The following ARHGAP26 variants were observed in gnomAD, a reference collection of about 807,000 sequenced individuals.
ARHGAP26 encodes the protein Rho GTPase activating protein 26.
ARHGAP26 carries 38 observed loss-of-function variants against 104.8 expected under a neutral mutation model. The observed-to-expected ratio is 0.36, with a 90% CI of 0.28 to 0.48. The LOEUF is 0.48. Ranked by LOEUF, ARHGAP26 falls within the 20% of genes least tolerant of loss-of-function variation. The pLI, the probability that ARHGAP26 is intolerant of heterozygous loss-of-function variation, is 0.99. For missense variants in ARHGAP26, 704 were observed against 947.9 expected (o/e 0.74, Z 3.38); for synonymous variants, 341 against 340.0 (o/e 1.00, Z -0.03).
chr5:142,970,279 G>A (rs1045284249), intron 11 of ARHGAP26, among the ~76,000 whole-genome samples: 2 of 152,220 alleles, frequency 1.3e-5, no homozygotes, highest in African/African-American at 4.8e-5. Context: ...GAGGGTAAGG[G>A]TCATGAAATG....
At chr5:142,824,032 A>C (rs1766724612) in intron 1 of ARHGAP26, among the ~76,000 whole-genome samples, 1 of 152,244 alleles carries the variant, frequency 6.6e-6, no homozygotes, top group Admixed American at 6.5e-5. Flanking sequence ...TGTGTGTTCC[A>C]GGGCTGGATG....
chr5:143,097,360 GAAAAAAAAA>G (rs56116431), intron 17 of ARHGAP26, among the ~76,000 whole-genome samples: 3 of 63,262 alleles, frequency 4.7e-5, no homozygotes, highest in African/African-American at 9.9e-5. Context: ...TCAAAAAAAA[GAAAAAAAAA>G]AAAAAAAAAA....
intron 1 of ARHGAP26, among the ~76,000 whole-genome samples, chr5:142,837,466 A>G (rs1362844358): frequency 6.6e-6 from 1 of 151,870 alleles, no homozygotes; most frequent in Non-Finnish European, 1.5e-5. Flanking sequence ...CGAACTTGGT[A>G]TCTTGTTACT....
At chr5:143,059,467 A>G (rs1421338603) in intron 17 of ARHGAP26, among the ~76,000 whole-genome samples, 1 of 152,250 alleles carries the variant, frequency 6.6e-6, no homozygotes, top group African/African-American at 2.4e-5. Flanking sequence ...AAAAGGATTT[A>G]AAAAACAAAA....
intron 17 of ARHGAP26, among the ~76,000 whole-genome samples, chr5:143,062,480 T>C (rs760901893): frequency 7.2e-5 from 11 of 151,960 alleles, no homozygotes; most frequent in Non-Finnish European, 1.5e-4. Flanking sequence ...GTAGACTCTG[T>C]TGGCAGAATT....
chr5:143,056,886 A>C (rs1442524368), intron 16 of ARHGAP26, among the ~76,000 whole-genome samples: 1 of 152,172 alleles, frequency 6.6e-6, no homozygotes, highest in Non-Finnish European at 1.5e-5. Flanking sequence ...TTGTCCCCTT[A>C]AAACAGGAAG....
chr5:143,065,708 C>T (rs1004520307), intron 17 of ARHGAP26, among the ~76,000 whole-genome samples: 2 of 152,216 alleles, frequency 1.3e-5, no homozygotes, highest in Non-Finnish European at 2.9e-5. Context: ...CGCTGCCCTT[C>T]CTGCAAGTGC....
chr5:142,935,173 A>G (rs967025156), intron 11 of ARHGAP26, among the ~76,000 whole-genome samples: 3 of 152,190 alleles, frequency 2.0e-5, no homozygotes, highest in African/African-American at 7.2e-5. Context: ...ACTGGAGTCT[A>G]ATAGTCTGTG....
intron 13 of ARHGAP26, among the ~76,000 whole-genome samples, chr5:143,040,041 T>C (rs1308402126): frequency 6.6e-6 from 1 of 152,190 alleles, no homozygotes; most frequent in Non-Finnish European, 1.5e-5. Flanking sequence ...ATGAACAGAC[T>C]TCCCATACTC....
chr5:143,003,848 G>T (rs1382912619), intron 11 of ARHGAP26, among the ~76,000 whole-genome samples: 1 of 152,058 alleles, frequency 6.6e-6, no homozygotes, highest in East Asian at 1.9e-4. Flanking sequence ...ATCTAAGGGC[G>T]CATAGTTCAA....
chr5:142,976,081 A>C (rs530408763), intron 11 of ARHGAP26, among the ~76,000 whole-genome samples: 2 of 152,280 alleles, frequency 1.3e-5, no homozygotes, highest in South Asian at 4.1e-4. Flanking sequence ...TTCTCACTCT[A>C]TCTGGATTTT....
chr5:142,775,176 T>C (rs558953118), intron 1 of ARHGAP26, among the ~76,000 whole-genome samples: 45 of 152,246 alleles, frequency 3.0e-4, no homozygotes, highest in African/African-American at 1.1e-3. Flanking sequence ...TTAAGAACTG[T>C]CAAACCGGCT....
At chr5:143,043,762 T>A (rs751606509) in intron 14 of ARHGAP26, among the ~76,000 whole-genome samples, 3 of 152,194 alleles carry the variant, frequency 2.0e-5, no homozygotes, top group Non-Finnish European at 4.4e-5. Context: ...TCCTTTTCTG[T>A]AAGGAGTCCT....
At chr5:142,881,416 C>T (rs564890814) in intron 4 of ARHGAP26, among the ~76,000 whole-genome samples, 13 of 152,124 alleles carry the variant, frequency 8.5e-5, no homozygotes, top group African/African-American at 2.9e-4. Context: ...TACTGTCCCC[C>T]GGGGCGGCGG....
At chr5:143,029,392 G>GTTTTTTTTTTTTTT (rs536919888) in intron 12 of ARHGAP26, among the ~76,000 whole-genome samples, 1 of 80,812 alleles carries the variant, frequency 1.2e-5, no homozygotes. Flanking sequence ...TTACTTCTCA[G>GTTTTTTTTTTTTTT]TTTTTTTTTT....
intron 11 of ARHGAP26, among the ~76,000 whole-genome samples, chr5:143,006,568 A>G (rs1368844545): frequency 6.6e-6 from 1 of 152,156 alleles, no homozygotes; most frequent in Non-Finnish European, 1.5e-5. Context: ...GTAGCAGTGG[A>G]AAGGGAAAGC....
chr5:143,029,383 T>C (rs1449433874), intron 12 of ARHGAP26, among the ~76,000 whole-genome samples: 1 of 148,110 alleles, frequency 6.8e-6, no homozygotes, highest in African/African-American at 2.5e-5. Context: ...AGAAATCCTT[T>C]ACTTCTCAGT....
intron 17 of ARHGAP26, among the ~76,000 whole-genome samples, chr5:143,094,876 C>T (rs549705716): frequency 1.3e-5 from 2 of 151,710 alleles, no homozygotes; most frequent in Non-Finnish European, 2.9e-5. Context: ...AGCAGGTAAT[C>T]GGAATGAGTC....
chr5:143,181,396 T>C (rs1200988590), intron 20 of ARHGAP26, among the ~76,000 whole-genome samples: 3 of 152,264 alleles, frequency 2.0e-5, no homozygotes, highest in African/African-American at 4.8e-5. Flanking sequence ...ACTGTGTTCT[T>C]AAACATCACT....
Sources: gnomAD v4.1 joint callset for allele counts (sites outside exome capture counted in the v4.1 genomes callset) on GRCh38, gnomAD v4.1.1 for gene constraint, MANE v1.5 for transcripts, NCBI Gene and HGNC (gene_info 2026-07-23, HGNC 2026-07-21) for gene names.